The following CAST variants were observed in gnomAD, a reference collection of about 807,000 sequenced individuals.
CAST encodes the protein MIR583 host.
A neutral mutation model predicts 119.6 loss-of-function variants in CAST; 76 were observed. The observed-to-expected ratio is 0.64, with a 90% CI of 0.53 to 0.77. The LOEUF (loss-of-function observed/expected upper bound fraction) is 0.77, where lower values mean the gene tolerates loss of function less well. CAST is among the 30% of genes least tolerant of loss of function. CAST has a pLI of 0.00. For missense variants in CAST, 953 were observed against 946.5 expected, an observed-to-expected ratio of 1.01 and a Z score of -0.09; for synonymous variants, 319 against 331.6, an observed-to-expected ratio of 0.96 and a Z score of 0.41.
chr5:96,367,270 C>A, the CAST span, among the ~76,000 whole-genome samples: 1 of 150,054 alleles, frequency 6.7e-6, no homozygotes, highest in Non-Finnish European at 1.5e-5. Context: ...ACTCGGGTGT[C>A]AGGGACCCAC....
At chr5:96,097,512 T>C in the CAST span, among the ~76,000 whole-genome samples, 1 of 152,144 alleles carries the variant, frequency 6.6e-6, no homozygotes, top group African/African-American at 2.4e-5. Context: ...GGCCACAGTG[T>C]GTTGTTCCCC....
chr5:96,452,323 G>A, the CAST span, among the ~76,000 whole-genome samples: 39,951 of 151,914 alleles, frequency 0.26, 7,521 homozygotes, highest in African/African-American at 0.54. Context: ...AAAAGAGGAT[G>A]AGTCCATGTC....
intron 1 of CAST, among the ~76,000 whole-genome samples, chr5:96,564,311 T>C (rs1746432254): frequency 6.6e-6 from 1 of 152,206 alleles, no homozygotes. Flanking sequence ...AATCTCTCAA[T>C]ATATCGATTC....
chr5:96,153,553 G>A, the CAST span, among the ~76,000 whole-genome samples: 2 of 152,080 alleles, frequency 1.3e-5, no homozygotes, highest in African/African-American at 2.4e-5. Context: ...AAAATGTCAG[G>A]GGCAGGTCCT....
chr5:96,732,336 T>G (rs538619886), intron 9 of CAST, among the ~76,000 whole-genome samples: 1 of 121,780 alleles, frequency 8.2e-6, no homozygotes, highest in East Asian at 2.2e-4. Context: ...CTTCGCCCAC[T>G]TTTTGATGGG....
Position 96,559,463 on chromosome 5 carries a change from C to T in CAST, c.60+29583C>T, listed in dbSNP as rs1360368236. 7.2e-5 allele frequency among the ~76,000 whole-genome samples: 11 copies of T among 152,134 alleles called. No individual in the cohort carries two copies. In the East Asian group the frequency reaches 1.2e-3, roughly 16 times the overall value. On this transcript the variant is annotated intron_variant, in intron 1 of 11. Transcript: ENST00000505143. ...TGATTGTATATCTAGAAAACCCCAT[C>T]GTCTCAGCCCAAAATCTCCTTAAGC...
At position 96,774,500 on chromosome 5, in the gene CAST, ATTT is replaced by A. The variant is rs552063749; in HGVS notation, c.*1888_*1890del. On this transcript the variant is annotated 3_prime_UTR_variant, in exon 32 of 32. Transcript: ENST00000675179. ...AATATCCACTTAGAGGCAAAGAACA[ATTT>A]TTTATTATCAAAAAGGTTTCTGCAC... 1 of 983,770 alleles carries A rather than the reference ATTT, an allele frequency of 1.0e-6. No individual in the cohort carries two copies. The highest frequency in any genetic ancestry group is 1.2e-6 in the Non-Finnish European group (1 of 827,212). 60.9% of individuals were successfully genotyped at this position (983,770 alleles called of 1,614,324 possible).
chr5:96,314,172 A>G, the CAST span, among the ~76,000 whole-genome samples: 2 of 152,184 alleles, frequency 1.3e-5, no homozygotes, highest in Admixed American at 6.6e-5. Context: ...TTTGCTGATT[A>G]TCTCTAAAAC....
At chr5:96,064,472 T>TCTGTTGATTGCA in the CAST span, among the ~76,000 whole-genome samples, 11 of 72,006 alleles carry the variant, frequency 1.5e-4, no homozygotes, top group African/African-American at 3.6e-4. Context: ...GGCAAAAGTA[T>TCTGTTGATTGCA]GTAATTGCAG....
chr5:96,485,225 A>C, the CAST span, among the ~76,000 whole-genome samples: 1 of 152,124 alleles, frequency 6.6e-6, no homozygotes, highest in Non-Finnish European at 1.5e-5. Context: ...GTGCTGTCTT[A>C]CCTGAAGGAA....
At chr5:96,755,496 A>G (rs990963222) in intron 22 of CAST, among the ~76,000 whole-genome samples, 1 of 152,242 alleles carries the variant, frequency 6.6e-6, no homozygotes, top group African/African-American at 2.4e-5. Flanking sequence ...GAAAGTACAG[A>G]TTGTACACAA....
At chr5:96,425,654 A>G in the CAST span, among the ~76,000 whole-genome samples, 1 of 152,150 alleles carries the variant, frequency 6.6e-6, no homozygotes, top group African/African-American at 2.4e-5. Flanking sequence ...TCAGCAAAAC[A>G]GAAGAGGCAG....
At chr5:96,199,252 C>A in the CAST span, among the ~76,000 whole-genome samples, 2 of 151,968 alleles carry the variant, frequency 1.3e-5, no homozygotes, top group Non-Finnish European at 2.9e-5. Context: ...GAAAGAAAGG[C>A]TTTGGTGTTC....
chr5:96,487,058 T>C, the CAST span, among the ~76,000 whole-genome samples: 1 of 151,424 alleles, frequency 6.6e-6, no homozygotes, highest in Non-Finnish European at 1.5e-5. Context: ...GTGAAGAGTA[T>C]GTGAGGGCGC....
chr5:96,107,815 G>C, the CAST span, among the ~76,000 whole-genome samples: 1 of 152,220 alleles, frequency 6.6e-6, no homozygotes, highest in East Asian at 1.9e-4. Flanking sequence ...ATCCTGCAGA[G>C]TGTTTTCCAA....
chr5:96,487,038 C>A, the CAST span, among the ~76,000 whole-genome samples: 4 of 152,218 alleles, frequency 2.6e-5, no homozygotes, highest in Non-Finnish European at 5.9e-5. Context: ...CTCCTTCCCC[C>A]CATGGGGCAG....
At chr5:96,397,462 G>A in the CAST span, 1 of 1,612,700 alleles carries the variant, frequency 6.2e-7, no homozygotes, top group Non-Finnish European at 8.5e-7. Context: ...AGAGCACAGT[G>A]CTAGTTCCTA....
At chr5:96,242,421 A>G in the CAST span, among the ~76,000 whole-genome samples, 1 of 152,148 alleles carries the variant, frequency 6.6e-6, no homozygotes, top group Non-Finnish European at 1.5e-5. Context: ...ATGAGCCACC[A>G]TGTCCAGCTG....
chr5:96,126,270 T>A, the CAST span, among the ~76,000 whole-genome samples: 1 of 152,156 alleles, frequency 6.6e-6, no homozygotes, highest in Non-Finnish European at 1.5e-5. Context: ...AAAAAATGTA[T>A]AGCTGCAATT....
Sources: gnomAD v4.1 joint callset for allele counts (sites outside exome capture counted in the v4.1 genomes callset) on GRCh38, gnomAD v4.1.1 for gene constraint, MANE v1.5 for transcripts, NCBI Gene and HGNC (gene_info 2026-07-23, HGNC 2026-07-21) for gene names.